Variants in TTBK2 observed in about 807,000 individuals in gnomAD.
TTBK2 encodes tau tubulin kinase 2, also known as tau-tubulin kinase 2.
Under a neutral mutation model 110.8 loss-of-function variants are expected in TTBK2, and 28 were observed. That is an observed-to-expected ratio of 0.25 (90% CI 0.19 to 0.35). The LOEUF (loss-of-function observed/expected upper bound fraction) is 0.35. Ranked by LOEUF, TTBK2 falls within the 10% of genes least tolerant of loss-of-function variation. TTBK2 has a pLI of 1.00. For missense variants in TTBK2, 1,369 were observed against 1,500.3 expected, an observed-to-expected ratio of 0.91 and a Z score of 1.45; for synonymous variants, 532 against 527.3, an observed-to-expected ratio of 1.01 and a Z score of -0.12.
chr15:42,878,030 A>AG (rs1282370194), intron 2 of TTBK2, among the ~76,000 whole-genome samples: 3 of 151,386 alleles, frequency 2.0e-5, no homozygotes, highest in Non-Finnish European at 2.9e-5. Flanking sequence ...AAAAAAAAAA[A>AG]AGAGAGAGCA....
chr15:42,889,607 G>A (rs1895374778), intron 1 of TTBK2, among the ~76,000 whole-genome samples: 1 of 152,154 alleles, frequency 6.6e-6, no homozygotes, highest in Non-Finnish European at 1.5e-5. Flanking sequence ...CTAAGTGGAT[G>A]TCTTGGGTCC....
chr15:42,913,799 T>G (rs1015378964), intron 1 of TTBK2, among the ~76,000 whole-genome samples: 1 of 152,146 alleles, frequency 6.6e-6, no homozygotes, highest in Non-Finnish European at 1.5e-5. Context: ...CATGACCAGA[T>G]TGTTAAGGAA....
At position 42,766,446 on chromosome 15, in the gene TTBK2, C is replaced by CAAAAAAAAAAAAAAAAAAA. The variant is rs567972612; in HGVS notation, c.1998+8670_1998+8688dup. Among the ~76,000 whole-genome samples the CAAAAAAAAAAAAAAAAAAA allele has an allele frequency of 3.2e-3, 99 of 30,836 alleles. 9 individuals are homozygous for CAAAAAAAAAAAAAAAAAAA. Among genetic ancestry groups the CAAAAAAAAAAAAAAAAAAA allele is most frequent in the African/African-American group, 4.5e-3 (14 of 3,080 alleles). The allele number at this position is 30,836 out of a possible 152,430, so 20.2% of individuals were successfully genotyped here. On this transcript the variant is annotated intron_variant, in intron 13 of 14. Coordinates refer to ENST00000267890, the MANE Select transcript of TTBK2 (RefSeq NM_173500.4). Reference sequence around the variant, plus strand: ...GAAGATCTACCAAGCGAATGGAAAGCAAAAAAAAAAAAAAAAAAAAAGCAA... The same window carrying CAAAAAAAAAAAAAAAAAAA: ...GAAGATCTACCAAGCGAATGGAAAGCAAAAAAAAAAAAAAAAAAAAAAAAAAAAAAAAAAAAAAAAGCAA...
chr15:42,837,039 G>A (rs1345739702), intron 4 of TTBK2, among the ~76,000 whole-genome samples: 1 of 152,130 alleles, frequency 6.6e-6, no homozygotes, highest in Non-Finnish European at 1.5e-5. Context: ...CAAAATGAGA[G>A]AAAGCAGGAT....
chr15:42,838,854 T>C (rs1893103406), intron 4 of TTBK2, among the ~76,000 whole-genome samples: 1 of 152,080 alleles, frequency 6.6e-6, no homozygotes, highest in African/African-American at 2.4e-5. Flanking sequence ...ATGTTACTGA[T>C]GAAAAGAAAA....
intron 13 of TTBK2, among the ~76,000 whole-genome samples, chr15:42,768,412 A>G (rs1447733416): frequency 6.6e-6 from 1 of 152,232 alleles, no homozygotes; most frequent in East Asian, 1.9e-4. Flanking sequence ...AACTTCAGCA[A>G]AGTCTCAGGA....
intron 3 of TTBK2, among the ~76,000 whole-genome samples, chr15:42,843,903 T>G (rs948913540): frequency 6.6e-6 from 1 of 151,992 alleles, no homozygotes; most frequent in African/African-American, 2.4e-5. Context: ...ACCCAGGGAA[T>G]GACTCAGCAC....
chr15:42,769,938 T>C (rs1215111780), intron 13 of TTBK2, among the ~76,000 whole-genome samples: 1 of 152,162 alleles, frequency 6.6e-6, no homozygotes, highest in African/African-American at 2.4e-5. Flanking sequence ...AAGGATGAGT[T>C]CATGTCCTTT....
At chr15:42,756,513 G>A (rs189893269) in intron 13 of TTBK2, among the ~76,000 whole-genome samples, 1 of 152,234 alleles carries the variant, frequency 6.6e-6, no homozygotes, top group Admixed American at 6.5e-5. Flanking sequence ...TTGAACCTGG[G>A]AGGCAGAGGT....
At chr15:42,829,716 T>C (rs1892673098) in intron 5 of TTBK2, among the ~76,000 whole-genome samples, 1 of 152,184 alleles carries the variant, frequency 6.6e-6, no homozygotes, top group African/African-American at 2.4e-5. Flanking sequence ...TTATTTTCAC[T>C]GTATGAGAAA....
At chr15:42,815,915 TATATATATATTTAAAA>T (rs1891936176) in intron 7 of TTBK2, among the ~76,000 whole-genome samples, 4 of 100,004 alleles carry the variant, frequency 4.0e-5, no homozygotes, top group African/African-American at 2.2e-4. Context: ...TATTTAAAAA[TATATATATATTTAAAA>T]ATATATATAT....
chr15:42,911,407 G>T (rs2030747358), intron 1 of TTBK2, among the ~76,000 whole-genome samples: 1 of 152,126 alleles, frequency 6.6e-6, no homozygotes, highest in African/African-American at 2.4e-5. Context: ...TTTAAATCCA[G>T]CCTGGGCAAC....
At chr15:42,757,056 C>T (rs994213826) in intron 13 of TTBK2, among the ~76,000 whole-genome samples, 23 of 151,940 alleles carry the variant, frequency 1.5e-4, no homozygotes, top group Middle Eastern at 3.4e-3. Context: ...TTTTACAAAC[C>T]CCATTTCATA....
chr15:42,741,590 A>T lies in TTBK2; in HGVS notation c.*4205T>A, dbSNP rs750749627. 3 of 152,256 alleles carry T rather than the reference A, an allele frequency of 2.0e-5. No homozygotes were observed. Among genetic ancestry groups the T allele is most frequent in the Non-Finnish European group, 4.4e-5 (3 of 68,038 alleles). 9.4% of individuals were successfully genotyped at this position (152,256 alleles called of 1,614,324 possible). On this transcript the variant is annotated 3_prime_UTR_variant, in exon 15 of 15. Coordinates refer to ENST00000267890, the MANE Select transcript of TTBK2 (RefSeq NM_173500.4). ...TAAGTGCACATAAACAGAAATGGGC[A>T]GATTTTGAAAGTGAATGCAAACAAC... is the stretch of plus-strand genomic sequence containing the variant.
intron 11 of TTBK2, among the ~76,000 whole-genome samples, chr15:42,781,579 G>A (rs918164805): frequency 2.0e-5 from 3 of 151,858 alleles, no homozygotes; most frequent in Admixed American, 6.6e-5. Context: ...TTGTGGTTTC[G>A]ATTTCATTCA....
intron 2 of TTBK2, among the ~76,000 whole-genome samples, chr15:42,877,743 A>G (rs982533717): frequency 6.6e-6 from 1 of 152,160 alleles, no homozygotes; most frequent in African/African-American, 2.4e-5. Context: ...ATGATACACA[A>G]TCTTGGGGGA....
chr15:42,821,590 G>A (rs1892297888), intron 6 of TTBK2, among the ~76,000 whole-genome samples: 1 of 151,870 alleles, frequency 6.6e-6, no homozygotes, highest in Non-Finnish European at 1.5e-5. Context: ...GACAACCAAT[G>A]ATTTCTGTCC....
intron 3 of TTBK2, among the ~76,000 whole-genome samples, chr15:42,848,843 T>TA (rs1435517305): frequency 6.6e-6 from 1 of 152,226 alleles, no homozygotes. Flanking sequence ...CTTTTGGAGT[T>TA]ACTGAACTTT....
chr15:42,748,676 G>A (rs576109632), intron 14 of TTBK2, among the ~76,000 whole-genome samples: 9 of 152,038 alleles, frequency 5.9e-5, no homozygotes, highest in African/African-American at 2.2e-4. Flanking sequence ...GCCTCCCAAA[G>A]TGCTGGGATT....
Sources: allele counts gnomAD v4.1 joint callset (sites outside exome capture counted in the v4.1 genomes callset), GRCh38; gene constraint gnomAD v4.1.1; transcripts MANE v1.5; gene names NCBI Gene and HGNC (gene_info 2026-07-23, HGNC 2026-07-21).